Variants in CLIP1 observed in about 807,000 individuals in gnomAD.
The protein encoded by CLIP1 is CAP-Gly domain containing linker protein 1, also known as CAP-Gly domain-containing linker protein 1.
CLIP1 carries 66 observed loss-of-function variants against 161.6 expected under a neutral mutation model. The ratio of observed to expected loss-of-function variants is 0.41; its 90% CI spans 0.33 to 0.50. The LOEUF (loss-of-function observed/expected upper bound fraction) is 0.50. Ranked by LOEUF, CLIP1 falls within the 20% of genes least tolerant of loss-of-function variation. The pLI is 0.27. For missense variants in CLIP1, 1,376 were observed against 1,702.0 expected, an observed-to-expected ratio of 0.81 and a Z score of 3.37; for synonymous variants, 598 against 626.2, an observed-to-expected ratio of 0.96 and a Z score of 0.67.
chr12:122,287,105 T>C (rs988598274), intron 21 of CLIP1, among the ~76,000 whole-genome samples: 1 of 151,834 alleles, frequency 6.6e-6, no homozygotes, highest in South Asian at 2.1e-4. Context: ...GCCCAGGAGA[T>C]TGAGGCTGCC....
At position 122,347,490 on chromosome 12, in the gene CLIP1, AAAGG is replaced by A. The variant is rs1419851354; in HGVS notation, c.1402-15_1402-12del. ...CAGTTTGGTCTGCGTCTGTTAGTAA[AAAGG>A]AAGAGGAAGAGAACACAACAGTGCC... On this transcript the variant is annotated splice_polypyrimidine_tract_variant and intron_variant, in intron 9 of 25. Coordinates refer to ENST00000620786, the MANE Select transcript of CLIP1 (RefSeq NM_001247997.2). 7 of 1,604,888 alleles carry A rather than the reference AAAGG, an allele frequency of 4.4e-6. No individual in the cohort carries two copies. The Middle Eastern group carries it at 6.6e-4, about 151-fold the overall frequency.
At chr12:122,380,305 A>G (rs770496423) in intron 2 of CLIP1, 63 bp downstream of exon 2, 11 of 1,077,086 alleles carry the variant, frequency 1.0e-5, no homozygotes, top group Non-Finnish European at 1.5e-5. Flanking sequence ...ATAATGTTTT[A>G]AAATTAAAAA....
At chr12:122,276,447 G>A in intron 24 of CLIP1, 1 of 1,286,614 alleles carries the variant, frequency 7.8e-7, no homozygotes, top group Non-Finnish European at 1.0e-6. Flanking sequence ...ACCATTTGCT[G>A]ATTGGAAGAA....
At chr12:122,307,708 C>T (rs536540086) in intron 20 of CLIP1, among the ~76,000 whole-genome samples, 2 of 152,150 alleles carry the variant, frequency 1.3e-5, no homozygotes, top group South Asian at 2.1e-4. Context: ...TAACAGAGCC[C>T]GATGAATTAA....
chr12:122,339,426 C>T (rs1952390760), intron 11 of CLIP1, among the ~76,000 whole-genome samples: 1 of 152,126 alleles, frequency 6.6e-6, no homozygotes, highest in Admixed American at 6.5e-5. Context: ...CCACCTCCAC[C>T]TCCCGGGTTC....
intron 3 of CLIP1, chr12:122,365,313 C>A: frequency 2.3e-6 from 2 of 856,384 alleles, no homozygotes; most frequent in Admixed American, 3.4e-5. Flanking sequence ...AAAAGGAATG[C>A]CCCACAAGTG....
At chr12:122,308,576 G>GTCGCCAAATGATGCTGAACAAA (rs1566099422) in intron 20 of CLIP1, among the ~76,000 whole-genome samples, 1 of 152,176 alleles carries the variant, frequency 6.6e-6, no homozygotes, top group Non-Finnish European at 1.5e-5. Flanking sequence ...CTTGACACTA[G>GTCGCCAAATGATGCTGAACAAA]TCGCCAAATG....
At chr12:122,390,839 T>C (rs906204263) in intron 1 of CLIP1, among the ~76,000 whole-genome samples, 1 of 151,806 alleles carries the variant, frequency 6.6e-6, no homozygotes, top group Non-Finnish European at 1.5e-5. Context: ...CTTAAGTCAC[T>C]TCCAAAGAGT....
chr12:122,346,499 T>TTTTG (rs1952755543), intron 10 of CLIP1, among the ~76,000 whole-genome samples: 1 of 152,062 alleles, frequency 6.6e-6, no homozygotes, highest in African/African-American at 2.4e-5. Context: ...CTGAGGGTTT[T>TTTTG]TTTGTTTTGT....
At chr12:122,337,458 A>G (rs1003459196) in intron 11 of CLIP1, among the ~76,000 whole-genome samples, 30 of 36,926 alleles carry the variant, frequency 8.1e-4, no homozygotes, top group Middle Eastern at 0.022. Flanking sequence ...AAAAAAAAAA[A>G]AAAGAAAGAA....
chr12:122,340,320 T>C (rs1183837505), intron 11 of CLIP1, among the ~76,000 whole-genome samples: 1 of 152,100 alleles, frequency 6.6e-6, no homozygotes. Context: ...CCTCAGGTGA[T>C]CACCTGCCTC....
At chr12:122,357,790 A>C (rs1434096371) in intron 5 of CLIP1, among the ~76,000 whole-genome samples, 3 of 146,696 alleles carry the variant, frequency 2.0e-5, no homozygotes, top group African/African-American at 5.1e-5. Flanking sequence ...CTGCCCGGCT[A>C]GCCGCCCCAT....
chr12:122,380,201 C>T (rs542077579), intron 2 of CLIP1, among the ~76,000 whole-genome samples, 167 bp downstream of exon 2: 2 of 151,910 alleles, frequency 1.3e-5, no homozygotes, highest in African/African-American at 2.4e-5. Context: ...CAAGATTGCG[C>T]CACTGCACTC....
At chr12:122,406,213 GGTGGGCAGATA>G (rs1956323948) in intron 1 of CLIP1, among the ~76,000 whole-genome samples, 1 of 152,172 alleles carries the variant, frequency 6.6e-6, no homozygotes, top group African/African-American at 2.4e-5. Context: ...GGGAGGCCAA[GGTGGGCAGATA>G]GTTTTGAGCT....
At chr12:122,417,380 G>A (rs781137008) in intron 1 of CLIP1, among the ~76,000 whole-genome samples, 1 of 151,868 alleles carries the variant, frequency 6.6e-6, no homozygotes, top group Non-Finnish European at 1.5e-5. Flanking sequence ...GCAGGAGGAC[G>A]GCTTGAGTCC....
At chr12:122,295,299 G>A (rs1329634023) in intron 20 of CLIP1, among the ~76,000 whole-genome samples, 2 of 152,060 alleles carry the variant, frequency 1.3e-5, no homozygotes, top group East Asian at 3.9e-4. Flanking sequence ...GAACCCAGGA[G>A]GCAGAGGTTG....
intron 12 of CLIP1, among the ~76,000 whole-genome samples, 165 bp downstream of exon 12, chr12:122,336,467 G>A (rs558311968): frequency 6.7e-6 from 1 of 149,650 alleles, no homozygotes; most frequent in South Asian, 2.1e-4. Flanking sequence ...GGTTTGATCC[G>A]ATTCCCCTCA....
chr12:122,356,977 T>C (rs1953422337), intron 5 of CLIP1, among the ~76,000 whole-genome samples: 1 of 152,168 alleles, frequency 6.6e-6, no homozygotes, highest in South Asian at 2.1e-4. Context: ...TAGCGTGATC[T>C]CGGCTCGCTA....
At chr12:122,410,389 G>T (rs11058034) in intron 1 of CLIP1, among the ~76,000 whole-genome samples, 27,979 of 121,500 alleles carry the variant, frequency 0.23, 3,221 homozygotes, top group Admixed American at 0.34. Flanking sequence ...TCTATACTTT[G>T]CCTTTGTAAA....
Sources: gnomAD v4.1 joint callset for allele counts (sites outside exome capture counted in the v4.1 genomes callset) on GRCh38, gnomAD v4.1.1 for gene constraint, MANE v1.5 for transcripts, NCBI Gene and HGNC (gene_info 2026-07-23, HGNC 2026-07-21) for gene names.